The following ZMYM2 variants were observed in gnomAD, a reference collection of about 807,000 sequenced individuals.
ZMYM2 encodes zinc finger MYM-type containing 2, also known as zinc finger MYM-type protein 2.
Under a neutral mutation model 162.8 loss-of-function variants are expected in ZMYM2, and 56 were observed. The ratio of observed to expected loss-of-function variants is 0.34; its 90% confidence interval spans 0.28 to 0.43. The LOEUF (loss-of-function observed/expected upper bound fraction) is 0.43. Among genes scored for constraint, ZMYM2 ranks in the 20% least tolerant of loss-of-function variants. The pLI, the probability that ZMYM2 is intolerant of heterozygous loss-of-function variation, is 1.00. For synonymous variants in ZMYM2, 510 were observed against 541.6 expected (o/e 0.94, Z 0.81); for missense variants, 1,275 against 1,621.8 (o/e 0.79, Z 3.67).
chr13:20,022,918 C>T (rs147988099), intron 7 of ZMYM2, among the ~76,000 whole-genome samples: 2 of 152,156 alleles, frequency 1.3e-5, no homozygotes, highest in African/African-American at 4.8e-5. Context: ...CCTATGATTA[C>T]AAAGACAACC....
At chr13:20,055,010 T>C (rs1955676042) in intron 14 of ZMYM2, among the ~76,000 whole-genome samples, 1 of 151,938 alleles carries the variant, frequency 6.6e-6, no homozygotes, top group Non-Finnish European at 1.5e-5. Context: ...TTTTTTTTTT[T>C]TTCCCCCAAC....
chr13:20,009,371 A>G (rs944782041), intron 6 of ZMYM2, among the ~76,000 whole-genome samples: 1 of 152,230 alleles, frequency 6.6e-6, no homozygotes, highest in Non-Finnish European at 1.5e-5. Flanking sequence ...GAGCATAAAA[A>G]GGACGGAAAG....
At chr13:19,883,801 G>T in the ZMYM2 span, among the ~76,000 whole-genome samples, 9 of 152,064 alleles carry the variant, frequency 5.9e-5, no homozygotes, top group Non-Finnish European at 1.3e-4. Flanking sequence ...CTGTTGCCCA[G>T]GCTGGAGCGC....
the ZMYM2 span, among the ~76,000 whole-genome samples, chr13:19,877,211 CAAA>C: frequency 7.9e-6 from 1 of 126,546 alleles, no homozygotes; most frequent in Non-Finnish European, 1.6e-5. Flanking sequence ...GACTCCGTCT[CAAA>C]AAAAAAAAAA....
At chr13:19,946,458 T>A in the ZMYM2 span, among the ~76,000 whole-genome samples, 3 of 152,240 alleles carry the variant, frequency 2.0e-5, no homozygotes, top group Non-Finnish European at 4.4e-5. Context: ...TTCTAAACAG[T>A]GGTTTAAATG....
chr13:20,013,637 A>G (rs1196589020), intron 6 of ZMYM2, among the ~76,000 whole-genome samples: 2 of 152,136 alleles, frequency 1.3e-5, no homozygotes, highest in African/African-American at 2.4e-5. Flanking sequence ...TTTTTTAATC[A>G]TAAAAAGGTG....
At chr13:19,907,820 G>A in the ZMYM2 span, among the ~76,000 whole-genome samples, 9 of 131,102 alleles carry the variant, frequency 6.9e-5, no homozygotes, top group Non-Finnish European at 1.6e-5. Flanking sequence ...TACGAAAAGA[G>A]AACGAAAAAA....
In ZMYM2 at chr13:19,993,702, G is replaced by T; in HGVS notation, c.630G>T (p.Met210Ile). The change falls in exon 3 of 25, where the codon ATG becomes ATT. Residue 210 changes from methionine to isoleucine, a missense_variant. Coordinates refer to ENST00000610343, the MANE Select transcript of ZMYM2 (RefSeq NM_197968.4). The part of the protein sequence containing the change: ...GQLENTDGRD[M>I]NLMITHVTSL... ...TAGAAAATACTGACGGGCGAGATAT[G>T]AACTTAATGATTACACATGTAACAT... The T allele has an allele frequency of 6.2e-7, 1 of 1,613,958 alleles. No individual in the cohort carries two copies. Among genetic ancestry groups the T allele is most frequent in the South Asian group, 1.1e-5 (1 of 91,072 alleles).
In ZMYM2 at chr13:20,088,584, A is replaced by G. The variant is rs1022110824; in HGVS notation, c.*2570A>G. ...TTAAAAGGCTTTACTGTATTAGGTA[A>G]CATAGATATTAAAGGATTTTTCTAG... On this transcript the variant is annotated 3_prime_UTR_variant, in exon 25 of 25. Transcript: ENST00000610343. 1.0e-5 allele frequency: 2 copies of G among 194,756 alleles called. No individual in the cohort carries two copies. The highest frequency in any genetic ancestry group is 4.6e-5 in the African/African-American group (2 of 43,260). 12.1% of individuals were successfully genotyped at this position (194,756 alleles called of 1,614,324 possible).
the ZMYM2 span, among the ~76,000 whole-genome samples, chr13:19,867,061 G>A: frequency 6.6e-6 from 1 of 152,078 alleles, no homozygotes; most frequent in Non-Finnish European, 1.5e-5. Flanking sequence ...CTTTGAAAGT[G>A]GCTTAGTACA....
At chr13:19,947,264 A>G in the ZMYM2 span, among the ~76,000 whole-genome samples, 132,370 of 151,570 alleles carry the variant, frequency 0.87, 58,820 homozygotes, top group East Asian at 0.99. Flanking sequence ...GTTTCACCGT[A>G]TTAGCCAGGA....
At chr13:19,900,815 C>T in the ZMYM2 span, among the ~76,000 whole-genome samples, 73 of 152,160 alleles carry the variant, frequency 4.8e-4, no homozygotes, top group African/African-American at 1.5e-3. Flanking sequence ...GGGCAGATCA[C>T]GAGGTCAGGA....
the ZMYM2 span, among the ~76,000 whole-genome samples, chr13:19,883,982 C>T: frequency 6.6e-6 from 1 of 152,192 alleles, no homozygotes; most frequent in Admixed American, 6.5e-5. Context: ...GTCTCAAACT[C>T]TTCACCTCCA....
chr13:19,921,889 G>T, the ZMYM2 span, among the ~76,000 whole-genome samples: 2 of 151,078 alleles, frequency 1.3e-5, no homozygotes, highest in African/African-American at 4.9e-5. Flanking sequence ...CGACACACAC[G>T]CTGATGAGCA....
chr13:20,032,973 G>A (rs1041205390), intron 10 of ZMYM2, among the ~76,000 whole-genome samples: 46 of 152,162 alleles, frequency 3.0e-4, no homozygotes, highest in African/African-American at 1.0e-3. Context: ...TTAATGACTG[G>A]AACATTTTTT....
chr13:20,014,999 G>T (rs1483837573), intron 6 of ZMYM2, among the ~76,000 whole-genome samples: 1 of 152,074 alleles, frequency 6.6e-6, no homozygotes, highest in African/African-American at 2.4e-5. Flanking sequence ...GACCTCAGGT[G>T]ATCTGCTCGC....
At chr13:19,872,928 G>A in the ZMYM2 span, among the ~76,000 whole-genome samples, 3 of 151,480 alleles carry the variant, frequency 2.0e-5, no homozygotes, top group African/African-American at 7.3e-5. Flanking sequence ...GAACCCAGGA[G>A]GCCAGAGGTT....
At chr13:19,951,081 C>T in the ZMYM2 span, among the ~76,000 whole-genome samples, 1 of 152,020 alleles carries the variant, frequency 6.6e-6, no homozygotes, top group Non-Finnish European at 1.5e-5. Flanking sequence ...ATGTGTGGCC[C>T]AAGACAATAA....
At chr13:20,038,963 T>C (rs1001111237) in intron 12 of ZMYM2, among the ~76,000 whole-genome samples, 7 of 151,982 alleles carry the variant, frequency 4.6e-5, no homozygotes, top group African/African-American at 1.7e-4. Flanking sequence ...CTTTGAGCAG[T>C]ATTTTGTAGT....
Sources: allele counts gnomAD v4.1 joint callset (sites outside exome capture counted in the v4.1 genomes callset), GRCh38; gene constraint gnomAD v4.1.1; transcripts MANE v1.5; gene names NCBI Gene and HGNC (gene_info 2026-07-23, HGNC 2026-07-21).